The following ZNF268 variants were observed in gnomAD, a reference collection of about 807,000 sequenced individuals.
ZNF268 encodes the protein zinc finger protein 3.
In ZNF268, 20 loss-of-function variants were observed where a neutral mutation model predicts 29.3. The ratio of observed to expected loss-of-function variants is 0.68; its 90% CI spans 0.48 to 0.99. The LOEUF (loss-of-function observed/expected upper bound fraction) is 0.99, where lower values mean the gene tolerates loss of function less well. Among genes scored for constraint, ZNF268 ranks in the 50% least tolerant of loss-of-function variants. ZNF268 has a pLI of 0.00. For synonymous variants in ZNF268, 429 were observed against 376.9 expected (o/e 1.14, Z -1.60); for missense variants, 1,240 against 1,121.6 (o/e 1.11, Z -1.51).
At chr12:133,189,708 TACTC>T (rs1265537735) in intron 3 of ZNF268, among the ~76,000 whole-genome samples, 1 of 152,236 alleles carries the variant, frequency 6.6e-6, no homozygotes, top group Non-Finnish European at 1.5e-5. Flanking sequence ...TCAGTTTCCT[TACTC>T]TCTCTGTAAA....
At position 133,203,538 on chromosome 12, in the gene ZNF268, C is replaced by T. The variant is rs1566384499; in HGVS notation, c.1852C>T (p.Gln618Ter). The T allele has an allele frequency of 6.4e-7, 1 of 1,550,808 alleles. No homozygotes were observed. Among genetic ancestry groups the T allele is most frequent in the Admixed American group, 1.9e-5 (1 of 51,468 alleles). Residue 618 changes from glutamine (Q) to a stop codon, truncating the protein, a stop_gained, in exon 6 of 6, where the codon CAG becomes TAG. Coordinates refer to ENST00000536435, the MANE Select transcript of ZNF268 (RefSeq NM_003415.3). LOFTEE classifies it low-confidence loss of function (END_TRUNC). ...GEKPFECSEC[Q>*]KAFNTKSNLI... ...GAAACCATTTGAATGTAGTGAGTGT[C>T]AGAAAGCCTTTAATACAAAGTCAAA...
At chr12:133,189,991 G>A (rs541706226) in intron 3 of ZNF268, among the ~76,000 whole-genome samples, 8 of 133,338 alleles carry the variant, frequency 6.0e-5, no homozygotes, top group South Asian at 4.6e-4. Flanking sequence ...TGTATTTTTA[G>A]TAGAGACGAA....
At position 133,210,901 on chromosome 12, in the gene ZNF268, C is replaced by T. The variant is rs546751956; in HGVS notation, c.*6371C>T. On this transcript the variant is annotated 3_prime_UTR_variant, in exon 6 of 6. Transcript: ENST00000536435. ...TTGCACCCCTTCCTTACTACCTAGG[C>T]ACAGTGTTGGATGGTCAGTGCTTCC... is the stretch of plus-strand genomic sequence containing the variant. 7.9e-5 allele frequency: 36 copies of T among 456,026 alleles called. No individual in the cohort carries two copies. The highest frequency in any genetic ancestry group is 5.6e-4 in the South Asian group (36 of 64,558). 28.2% of individuals were successfully genotyped at this position (456,026 alleles called of 1,614,324 possible). A position where few individuals can be genotyped will look rare whatever the true frequency, so the allele number is the denominator to read the frequency against.
chr12:133,207,437 CTA>C lies in ZNF268; in HGVS notation c.*2909_*2910del, dbSNP rs1248899076. The C allele has an allele frequency of 6.6e-6, 1 of 152,208 alleles. No individual in the cohort carries two copies. Among genetic ancestry groups the C allele is most frequent in the Non-Finnish European group, 1.5e-5 (1 of 68,054 alleles). The allele number at this position is 152,208 out of a possible 1,614,324, so 9.4% of individuals were successfully genotyped here. ...AAGTCATGATATTAGGTTTAACAGA[CTA>C]TTAGTGGATCCAGCATCCTTTGTTC... On this transcript the variant is annotated 3_prime_UTR_variant, in exon 6 of 6. Transcript: ENST00000536435.
In ZNF268 at chr12:133,188,003, T is replaced by G. The variant is rs1459918998; in HGVS notation, c.165T>G (p.Ser55Arg). ...LPGTPRQKQK[S>R]RRIEKVLEWL... ...GAACACCCAGGCAGAAGCAGAAGAG[T>G]CGCAGAATAGAGAAAGTCCTAGAGT... Residue 55 changes from serine to arginine, a missense_variant, in exon 3 of 6, where the codon AGT (serine) becomes AGG (arginine). Ser to Arg is a moderately radical substitution (Grantham distance 110). Around this residue, in one of 3 missense-constraint regions of ZNF268, gnomAD observed 12 missense variants for 30.6 expected, o/e 0.39. Coordinates refer to ENST00000536435, the MANE Select transcript of ZNF268 (RefSeq NM_003415.3). The G allele has an allele frequency of 1.7e-5, 27 of 1,596,082 alleles. No homozygotes were observed. Among genetic ancestry groups the G allele is most frequent in the Non-Finnish European group, 2.2e-5 (26 of 1,171,080 alleles).
At chr12:133,191,871 G>C in intron 4 of ZNF268, 37 bp from the exon 5 acceptor site, 1 of 1,600,810 alleles carries the variant, frequency 6.2e-7, no homozygotes. Flanking sequence ...ATCTCAAGCT[G>C]TTTGTTCCAG....
rs780604174 is a variant in ZNF268 at position 133,206,279 on chromosome 12, G to T, written c.*1749G>T. On this transcript the variant is annotated 3_prime_UTR_variant, in exon 6 of 6. Coordinates refer to ENST00000536435, the MANE Select transcript of ZNF268 (RefSeq NM_003415.3). ...TCATGAAATGAATTGTTGGCATCAT[G>T]TGCTCACTGAGGCTTTGGGGAAATG... 2 of 152,210 alleles carry T rather than the reference G, an allele frequency of 1.3e-5. No individual in the cohort carries two copies. The highest frequency in any genetic ancestry group is 2.9e-5 in the Non-Finnish European group (2 of 68,042). The allele number at this position is 152,210 out of a possible 1,614,324, so 9.4% of individuals were successfully genotyped here. A position where few individuals can be genotyped will look rare whatever the true frequency, so the allele number is the denominator to read the frequency against.
Position 133,187,062 on chromosome 12 carries a change from C to T in ZNF268, c.34-810C>T, listed in dbSNP as rs557900580. Among the ~76,000 whole-genome samples, 16 of 152,264 alleles carry T rather than the reference C, an allele frequency of 1.1e-4. No homozygotes were observed. The South Asian group carries it at 2.1e-3, about 20-fold the overall frequency. ...CCTTTTACTGGCTGTATGGATGGCC[C>T]ATAGTGTTTTCAACCAGTTATGTAG... On this transcript the variant is annotated intron_variant, in intron 2 of 5. Transcript: ENST00000536435.
At position 133,204,534 on chromosome 12, in the gene ZNF268, T is replaced by C. The variant is rs1304383516; in HGVS notation, c.*4T>C. Reference sequence around the variant, plus strand: ...TCATGTAGATGACAAACATTGATAATTTTACGAAACTCTGAAAAGTGGATT... The same window carrying C: ...TCATGTAGATGACAAACATTGATAACTTTACGAAACTCTGAAAAGTGGATT... On this transcript the variant is annotated 3_prime_UTR_variant, in exon 6 of 6. Coordinates refer to ENST00000536435, the MANE Select transcript of ZNF268 (RefSeq NM_003415.3). 2.0e-6 allele frequency: 3 copies of C among 1,485,672 alleles called. No homozygotes were observed. The highest frequency in any genetic ancestry group is 2.7e-6 in the Non-Finnish European group (3 of 1,123,600). 92.0% of individuals were successfully genotyped at this position (1,485,672 alleles called of 1,614,324 possible).
At chr12:133,184,981 C>A (rs1051298441) in intron 2 of ZNF268, among the ~76,000 whole-genome samples, 2 of 151,956 alleles carry the variant, frequency 1.3e-5, no homozygotes, top group Admixed American at 6.6e-5. Context: ...GTCAGGAGTT[C>A]GAGACCAGCC....
intron 5 of ZNF268, among the ~76,000 whole-genome samples, chr12:133,196,069 A>G (rs867174325): frequency 7.3e-5 from 11 of 150,008 alleles, no homozygotes; most frequent in Non-Finnish European, 1.2e-4. Flanking sequence ...CATGCCTGTA[A>G]TCCCAGCACT....
chr12:133,204,287 TGA>T lies in ZNF268; in HGVS notation c.2603_2604del (p.Glu868ValfsTer7). On this transcript the variant is annotated frameshift_variant, in exon 6 of 6. Coordinates refer to ENST00000536435, the MANE Select transcript of ZNF268 (RefSeq NM_003415.3). LOFTEE classifies it high-confidence loss of function. ...CAAGAGAGAAACCATATGAATGCAG[TGA>T]GTGTGGAAAAGCCTTCATTAGGAAT... is the stretch of plus-strand genomic sequence containing the variant. ...HTREKPYECS[E>X]CGKAFIRNSQ... 6.4e-7 allele frequency: 1 copy of T among 1,554,478 alleles called. No homozygotes were observed. The highest frequency in any genetic ancestry group is 1.2e-5 in the South Asian group (1 of 85,128).
chr12:133,193,720 C>T (rs7960924), intron 5 of ZNF268, among the ~76,000 whole-genome samples: 52,422 of 152,012 alleles, frequency 0.34, 9,478 homozygotes, highest in African/African-American at 0.41. Flanking sequence ...AACTTCCATT[C>T]GGAAGATTGA....
chr12:133,189,004 T>C (rs1956396536), intron 3 of ZNF268, among the ~76,000 whole-genome samples: 2 of 152,170 alleles, frequency 1.3e-5, no homozygotes, highest in African/African-American at 4.8e-5. Flanking sequence ...ATTACTTTAT[T>C]ACTTTACCTT....
At chr12:133,198,373 T>C (rs1956666182) in intron 5 of ZNF268, among the ~76,000 whole-genome samples, 1 of 150,786 alleles carries the variant, frequency 6.6e-6, no homozygotes, top group Non-Finnish European at 1.5e-5. Context: ...CTGAGGGCTC[T>C]GTTCTGTTCC....
intron 5 of ZNF268, among the ~76,000 whole-genome samples, chr12:133,197,671 C>T (rs1179094561): frequency 6.6e-6 from 1 of 152,214 alleles, no homozygotes; most frequent in Non-Finnish European, 1.5e-5. Flanking sequence ...AAAGGTGTTC[C>T]TGTTTCTCCA....
Position 133,203,052 on chromosome 12 carries a change from A to C in ZNF268, c.1366A>C (p.Lys456Gln). ...TGATTGTGGAAAAGCCTTTACATTC[A>C]AGTCACAGCTCATTGTACATCAGGG... ...CSDCGKAFTFKSQLIVHQGIH... is the reference protein window; with the variant it reads ...CSDCGKAFTFQSQLIVHQGIH... The change falls in exon 6 of 6, where the codon AAG becomes CAG. Residue 456 changes from lysine to glutamine, a missense_variant. Physicochemically the swap from Lys to Gln is moderately conservative, Grantham distance 53. Around this residue, in one of 3 missense-constraint regions of ZNF268, gnomAD observed 1,177 missense variants for 1,039.6 expected, o/e 1.13. Coordinates refer to ENST00000536435, the MANE Select transcript of ZNF268 (RefSeq NM_003415.3). 6.5e-7 allele frequency: 1 copy of C among 1,539,208 alleles called. No individual in the cohort carries two copies. The highest frequency in any genetic ancestry group is 8.7e-7 in the Non-Finnish European group (1 of 1,147,640).
In ZNF268 at chr12:133,202,758, A is replaced by G. The variant is rs1439411614; in HGVS notation, c.1072A>G (p.Asn358Asp). 6.2e-7 allele frequency: 1 copy of G among 1,611,670 alleles called. No individual in the cohort carries two copies. Among genetic ancestry groups the G allele is most frequent in the Non-Finnish European group, 8.5e-7 (1 of 1,179,318 alleles). Residue 358 changes from asparagine (N) to aspartate (D), a missense_variant, in exon 6 of 6, where the codon AAT (asparagine) becomes GAT (aspartate). Coordinates refer to ENST00000536435, the MANE Select transcript of ZNF268 (RefSeq NM_003415.3). ...VIHQRIHTGENPYECCECGKV... is the reference protein window; with the variant it reads ...VIHQRIHTGEDPYECCECGKV... The stretch of plus-strand genomic sequence containing the variant: ...ACATCAGAGAATTCACACAGGTGAG[A>G]ATCCCTATGAGTGCTGTGAATGTGG...
At chr12:133,189,802 G>C (rs1956418604) in intron 3 of ZNF268, among the ~76,000 whole-genome samples, 1 of 152,120 alleles carries the variant, frequency 6.6e-6, no homozygotes, top group African/African-American at 2.4e-5. Flanking sequence ...TAATAATTAA[G>C]CTTATCTGTT....
Sources: allele counts gnomAD v4.1 joint callset (sites outside exome capture counted in the v4.1 genomes callset), GRCh38; gene constraint gnomAD v4.1.1; regional missense constraint gnomAD v4.1.1; transcripts MANE v1.5; gene names NCBI Gene and HGNC (gene_info 2026-07-23, HGNC 2026-07-21).